ZFHX3: variants seen among roughly 807,000 people sequenced by gnomAD.
ZFHX3 encodes zinc finger homeobox 3.
In ZFHX3, 42 loss-of-function variants were observed where a neutral mutation model predicts 279.1. That is an observed-to-expected ratio of 0.15 (90% CI 0.12 to 0.19). The LOEUF (loss-of-function observed/expected upper bound fraction) is 0.19, where lower values mean the gene tolerates loss of function less well. Among genes scored for constraint, ZFHX3 ranks in the 10% least tolerant of loss-of-function variants. The pLI is 1.00. For synonymous variants in ZFHX3, 2,293 were observed against 1,957.8 expected (o/e 1.17, Z -4.52); for missense variants, 4,981 against 4,754.0 (o/e 1.05, Z -1.40).
intron 1 of ZFHX3, among the ~76,000 whole-genome samples, chr16:73,022,782 C>A (rs1964348642): frequency 6.6e-6 from 1 of 152,126 alleles, no homozygotes; most frequent in African/African-American, 2.4e-5. Flanking sequence ...CTCTGGCAAC[C>A]TAAAAAGTAG....
intron 5 of ZFHX3, among the ~76,000 whole-genome samples, chr16:73,204,928 C>T (rs776413018): frequency 6.6e-6 from 1 of 152,174 alleles, no homozygotes; most frequent in Non-Finnish European, 1.5e-5. Context: ...TCAATCCATG[C>T]TTATCTGAGT....
chr16:73,449,161 G>T (rs77216615), intron 3 of ZFHX3, among the ~76,000 whole-genome samples: 1,584 of 152,260 alleles, frequency 0.01, 25 homozygotes, highest in African/African-American at 0.036. Flanking sequence ...ATGGACAAAG[G>T]TCTAACACAT....
chr16:73,236,073 T>C (rs1451987832), intron 5 of ZFHX3, among the ~76,000 whole-genome samples: 1 of 152,264 alleles, frequency 6.6e-6, no homozygotes, highest in East Asian at 1.9e-4. Context: ...TGTGTTAGTC[T>C]AAAGTTCCTA....
At chr16:73,716,612 A>AACACACACACAC (rs144449904) in intron 1 of ZFHX3, among the ~76,000 whole-genome samples, 33 of 31,696 alleles carry the variant, frequency 1.0e-3, no homozygotes, top group Admixed American at 1.5e-3. Context: ...TCTTACTCTG[A>AACACACACACAC]ACACACACAC....
chr16:73,313,923 C>T (rs117833513), intron 4 of ZFHX3, among the ~76,000 whole-genome samples: 63 of 152,212 alleles, frequency 4.1e-4, no homozygotes, highest in Admixed American at 8.5e-4. Flanking sequence ...GCTTGGGTAA[C>T]GTGGGGAAAC....
intron 3 of ZFHX3, among the ~76,000 whole-genome samples, chr16:73,369,761 T>G (rs1458185528): frequency 2.0e-5 from 3 of 152,190 alleles, no homozygotes; most frequent in Non-Finnish European, 2.9e-5. Flanking sequence ...TTCAAGGTGA[T>G]TCTGATTGTG....
intron 2 of ZFHX3, among the ~76,000 whole-genome samples, chr16:72,953,439 C>T (rs1463448909): frequency 6.6e-6 from 1 of 152,158 alleles, no homozygotes; most frequent in Non-Finnish European, 1.5e-5. Context: ...GTTTCTGATG[C>T]CAACCACCTG....
At chr16:73,251,884 C>CA (rs145735362) in intron 5 of ZFHX3, among the ~76,000 whole-genome samples, 44 of 94,226 alleles carry the variant, frequency 4.7e-4, no homozygotes, top group African/African-American at 2.5e-3. Context: ...TGCACACACA[C>CA]CACACACACA....
intron 5 of ZFHX3, among the ~76,000 whole-genome samples, chr16:73,186,072 C>T (rs62052444): frequency 0.17 from 26,459 of 152,072 alleles, 2,575 homozygotes; most frequent in Middle Eastern, 0.28. Context: ...TGATCTGTCA[C>T]TGTCTCCCAT....
At chr16:72,886,021 T>C (rs556043971) in intron 4 of ZFHX3, among the ~76,000 whole-genome samples, 3 of 152,192 alleles carry the variant, frequency 2.0e-5, no homozygotes, top group South Asian at 2.1e-4. Flanking sequence ...AAGTTGATCA[T>C]CTTAAACATC....
At chr16:73,173,257 T>A (rs968905314) in intron 5 of ZFHX3, among the ~76,000 whole-genome samples, 5 of 152,204 alleles carry the variant, frequency 3.3e-5, no homozygotes, top group African/African-American at 1.2e-4. Context: ...CCTCATTACC[T>A]CACACTGAAG....
intron 5 of ZFHX3, among the ~76,000 whole-genome samples, chr16:73,167,838 C>G (rs908749401): frequency 3.3e-5 from 5 of 152,042 alleles, no homozygotes; most frequent in Admixed American, 2.0e-4. Flanking sequence ...CCGCTTGAAC[C>G]TTTTCAGACA....
At chr16:73,399,011 T>C (rs962047122) in intron 3 of ZFHX3, among the ~76,000 whole-genome samples, 4 of 150,856 alleles carry the variant, frequency 2.7e-5, no homozygotes, top group Non-Finnish European at 4.4e-5. Flanking sequence ...ACTACAGGCA[T>C]GCACCACCAT....
intron 2 of ZFHX3, chr16:73,499,369 G>C (rs1030163282): frequency 6.6e-6 from 1 of 152,188 alleles, no homozygotes; most frequent in Non-Finnish European, 1.5e-5. Flanking sequence ...TTGAGAGGTG[G>C]GTAACAAGCT....
At chr16:73,375,249 G>A (rs2016702742) in intron 3 of ZFHX3, among the ~76,000 whole-genome samples, 1 of 152,150 alleles carries the variant, frequency 6.6e-6, no homozygotes, top group Admixed American at 6.5e-5. Context: ...ATTCATGGTA[G>A]TTATTTTTGA....
At chr16:73,183,377 C>T (rs1187352085) in intron 5 of ZFHX3, among the ~76,000 whole-genome samples, 1 of 152,142 alleles carries the variant, frequency 6.6e-6, no homozygotes, top group Non-Finnish European at 1.5e-5. Flanking sequence ...AGACGTTCAC[C>T]CTTTGCCTTT....
At chr16:73,630,507 AG>A (rs1229277830) in intron 2 of ZFHX3, among the ~76,000 whole-genome samples, 2 of 152,264 alleles carry the variant, frequency 1.3e-5, no homozygotes, top group Admixed American at 6.5e-5. Flanking sequence ...TTCAGGGAAC[AG>A]GGTTTCACGC....
chr16:73,463,541 T>C (rs1241437756), intron 2 of ZFHX3, among the ~76,000 whole-genome samples: 1 of 152,254 alleles, frequency 6.6e-6, no homozygotes, highest in African/African-American at 2.4e-5. Context: ...GCTTTCCCTT[T>C]ATACCCTCCT....
At chr16:72,855,419 A>G (rs2065238417) in intron 4 of ZFHX3, among the ~76,000 whole-genome samples, 1 of 152,270 alleles carries the variant, frequency 6.6e-6, no homozygotes, top group Non-Finnish European at 1.5e-5. Context: ...GACCCATTAT[A>G]GAAGGGCAGG....
Sources: gnomAD v4.1 joint callset for allele counts (sites outside exome capture counted in the v4.1 genomes callset) on GRCh38, gnomAD v4.1.1 for gene constraint, MANE v1.5 for transcripts, NCBI Gene and HGNC (gene_info 2026-07-23, HGNC 2026-07-21) for gene names.